Variants in MTUS1 observed in about 807,000 individuals in gnomAD.
MTUS1 encodes microtubule-associated tumor suppressor 1.
In MTUS1, 109 loss-of-function variants were observed where a neutral mutation model predicts 120.8. That is an observed-to-expected ratio of 0.90 (90% CI 0.77 to 1.06). MTUS1 has a LOEUF of 1.06. MTUS1 is among the 50% of genes least tolerant of loss of function. The pLI is 0.00. For missense variants in MTUS1, 2,210 were observed against 1,486.3 expected, an observed-to-expected ratio of 1.49 and a Z score of -8.01; for synonymous variants, 737 against 550.5, an observed-to-expected ratio of 1.34 and a Z score of -4.74.
intron 8 of MTUS1, among the ~76,000 whole-genome samples, chr8:17,668,059 GTTAA>G (rs1811265766): frequency 6.6e-6 from 1 of 152,178 alleles, no homozygotes; most frequent in African/African-American, 2.4e-5. Context: ...AGAGTTAGCT[GTTAA>G]TTGTGATGGC....
At chr8:17,747,500 G>A (rs960840861) in intron 2 of MTUS1, among the ~76,000 whole-genome samples, 5 of 152,248 alleles carry the variant, frequency 3.3e-5, no homozygotes, top group African/African-American at 9.6e-5. Flanking sequence ...GCAGACGGGG[G>A]CAGGTCCCCA....
At chr8:17,798,436 G>A (rs7834998) in intron 1 of MTUS1, among the ~76,000 whole-genome samples, 2 of 152,030 alleles carry the variant, frequency 1.3e-5, no homozygotes, top group South Asian at 4.2e-4. Flanking sequence ...GGGTTCAAGC[G>A]CTTCTCCTGC....
intron 8 of MTUS1, among the ~76,000 whole-genome samples, chr8:17,665,562 T>TGTTGG (rs1310485783): frequency 6.6e-6 from 1 of 152,166 alleles, no homozygotes; most frequent in East Asian, 1.9e-4. Flanking sequence ...GGTTTCACCA[T>TGTTGG]GTTGGCAAGG....
chr8:17,778,061 T>C (rs1013160137), intron 1 of MTUS1, among the ~76,000 whole-genome samples: 1 of 152,220 alleles, frequency 6.6e-6, no homozygotes, highest in African/African-American at 2.4e-5. Context: ...TGCCATTTTA[T>C]TATCTTGCCT....
chr8:17,718,478 CG>C (rs1435154473), intron 4 of MTUS1, among the ~76,000 whole-genome samples: 1 of 152,068 alleles, frequency 6.6e-6, no homozygotes, highest in African/African-American at 2.4e-5. Context: ...TCGCCCATAT[CG>C]GGTATGGGAA....
At chr8:17,713,295 G>C in intron 5 of MTUS1, 43 bp from the exon 6 acceptor site, 2 of 1,113,722 alleles carry the variant, frequency 1.8e-6, no homozygotes, top group African/African-American at 1.6e-5. Context: ...TGTTTTATTT[G>C]ACATATCACA....
chr8:17,734,690 G>C (rs1253566658), intron 3 of MTUS1, among the ~76,000 whole-genome samples: 1 of 152,144 alleles, frequency 6.6e-6, no homozygotes, highest in Non-Finnish European at 1.5e-5. Flanking sequence ...TAAAGGTGTT[G>C]CTTCATTTTC....
At position 17,728,532 on chromosome 8, in the gene MTUS1, A is replaced by G. The variant is rs62499715; in HGVS notation, c.2288-4699T>C. Among the ~76,000 whole-genome samples the G allele has an allele frequency of 4.3e-3, 654 of 152,372 alleles. 4 individuals are homozygous for G. Among genetic ancestry groups the G allele is most frequent in the Admixed American group, 9.0e-3 (138 of 15,302 alleles). The stretch of plus-strand genomic sequence containing the variant: ...ACAAAGTTCAAACATATACAGAGCC[A>G]GAACCACCTGACATCCTGCCACAGA... On this transcript the variant is annotated intron_variant, in intron 3 of 14. Coordinates refer to ENST00000693296, the MANE Select transcript of MTUS1 (RefSeq NM_001363059.2).
chr8:17,708,762 C>A (rs1011578051), intron 6 of MTUS1: 40 of 152,212 alleles, frequency 2.6e-4, no homozygotes, highest in African/African-American at 9.4e-4. Context: ...CATATATTCA[C>A]ACTCAGCATC....
At chr8:17,704,491 G>A (rs1483369886) in intron 6 of MTUS1, among the ~76,000 whole-genome samples, 2 of 152,086 alleles carry the variant, frequency 1.3e-5, no homozygotes, top group Non-Finnish European at 2.9e-5. Context: ...TTTGCTTGTG[G>A]ATGTCCAGTT....
At chr8:17,722,655 A>G in intron 4 of MTUS1, 1 of 715,844 alleles carries the variant, frequency 1.4e-6, no homozygotes, top group Non-Finnish European at 1.7e-6. Context: ...CTTCTCTACA[A>G]AAAATGCATT....
intron 1 of MTUS1, among the ~76,000 whole-genome samples, chr8:17,776,038 T>C (rs1424269008): frequency 6.6e-6 from 1 of 152,176 alleles, no homozygotes; most frequent in Non-Finnish European, 1.5e-5. Flanking sequence ...GAGGTCCTTC[T>C]GCAGGGTTAA....
chr8:17,739,530 A>G (rs1247297014), intron 3 of MTUS1, among the ~76,000 whole-genome samples: 1 of 152,128 alleles, frequency 6.6e-6, no homozygotes, highest in Non-Finnish European at 1.5e-5. Flanking sequence ...TAAATCAAAC[A>G]AACAAAACTC....
intron 4 of MTUS1, among the ~76,000 whole-genome samples, chr8:17,721,323 G>C (rs1399567069): frequency 6.6e-6 from 1 of 152,096 alleles, no homozygotes; most frequent in Non-Finnish European, 1.5e-5. Context: ...TTACAACTTA[G>C]GAAAATAAAG....
chr8:17,663,625 T>A (rs1810265369), intron 8 of MTUS1, among the ~76,000 whole-genome samples: 1 of 147,686 alleles, frequency 6.8e-6, no homozygotes, highest in South Asian at 2.2e-4. Flanking sequence ...AGACAGAGGC[T>A]TCCTCTATCA....
At chr8:17,676,035 C>A in intron 7 of MTUS1, 1 of 558,424 alleles carries the variant, frequency 1.8e-6, no homozygotes, top group Non-Finnish European at 3.2e-6. Context: ...GATTCCCTAG[C>A]ACCAGGGAGT....
chr8:17,765,013 T>G (rs779396490), intron 1 of MTUS1, among the ~76,000 whole-genome samples: 10 of 152,214 alleles, frequency 6.6e-5, no homozygotes, highest in Non-Finnish European at 1.3e-4. Flanking sequence ...GCCCTCAGTT[T>G]GTTTTCCTGT....
At chr8:17,695,994 T>G (rs1817865482) in intron 6 of MTUS1, among the ~76,000 whole-genome samples, 1 of 152,160 alleles carries the variant, frequency 6.6e-6, no homozygotes, top group Non-Finnish European at 1.5e-5. Context: ...TACAGTATTT[T>G]TAAAAGAACT....
At chr8:17,698,311 A>G (rs1428333557) in intron 6 of MTUS1, among the ~76,000 whole-genome samples, 2 of 152,228 alleles carry the variant, frequency 1.3e-5, no homozygotes, top group African/African-American at 4.8e-5. Context: ...ACAGTTATGA[A>G]TATCTTTTGC....
Sources: gnomAD v4.1 joint callset for allele counts (sites outside exome capture counted in the v4.1 genomes callset) on GRCh38, gnomAD v4.1.1 for gene constraint, MANE v1.5 for transcripts, NCBI Gene and HGNC (gene_info 2026-07-23, HGNC 2026-07-21) for gene names.